GRAMD1C: variants seen among roughly 807,000 people sequenced by gnomAD.
The protein encoded by GRAMD1C is protein Aster-C.
Under a neutral mutation model 97.8 loss-of-function variants are expected in GRAMD1C, and 89 were observed. The ratio of observed to expected loss-of-function variants is 0.91; its 90% CI spans 0.77 to 1.09. The LOEUF (loss-of-function observed/expected upper bound fraction) is 1.09. Ranked by LOEUF, GRAMD1C falls within the 50% of genes least tolerant of loss-of-function variation. The pLI is 0.00. For missense variants in GRAMD1C, 740 were observed against 766.4 expected (o/e 0.97, Z 0.41); for synonymous variants, 256 against 267.0 (o/e 0.96, Z 0.40).
chr3:113,903,344 A>G (rs114536961), intron 7 of GRAMD1C, among the ~76,000 whole-genome samples: 46 of 152,116 alleles, frequency 3.0e-4, no homozygotes, highest in Middle Eastern at 3.4e-3. Flanking sequence ...CCTGTTCTTC[A>G]GTCTCTGAAA....
At chr3:113,859,420 G>C (rs1243096433) in intron 2 of GRAMD1C, among the ~76,000 whole-genome samples, 1 of 152,142 alleles carries the variant, frequency 6.6e-6, no homozygotes, top group Non-Finnish European at 1.5e-5. Flanking sequence ...TTGATTTCTA[G>C]TTTGATTTCA....
chr3:113,898,712 C>T (rs901440948), intron 6 of GRAMD1C, among the ~76,000 whole-genome samples: 2 of 151,968 alleles, frequency 1.3e-5, no homozygotes, highest in African/African-American at 2.4e-5. Flanking sequence ...ATTTATTAGC[C>T]TGTGTTATCC....
chr3:113,870,702 C>T (rs1252414720), intron 3 of GRAMD1C, among the ~76,000 whole-genome samples: 1 of 151,912 alleles, frequency 6.6e-6, no homozygotes, highest in Admixed American at 6.6e-5. Context: ...TCCATAAACA[C>T]AACCATTCAG....
At chr3:113,885,298 A>G (rs1489111802) in intron 6 of GRAMD1C, 6 of 1,530,562 alleles carry the variant, frequency 3.9e-6, no homozygotes, top group Non-Finnish European at 5.4e-6. Flanking sequence ...GGTCATCCGG[A>G]TGGTGCGGAC....
chr3:113,908,704 C>G (rs1936454080), intron 8 of GRAMD1C, among the ~76,000 whole-genome samples: 1 of 152,110 alleles, frequency 6.6e-6, no homozygotes, highest in African/African-American at 2.4e-5. Context: ...ATCTGTGAAG[C>G]TCTTTTATAT....
In GRAMD1C at chr3:113,946,894, G is replaced by GTTTGT. The variant is rs1268862571; in HGVS notation, c.*1426_*1430dup. ...TAGGGGTAACAGTGAACCTACCTGG[G>GTTTGT]TTTGTTTTGTTTTGGTAAGGATTTA... On this transcript the variant is annotated 3_prime_UTR_variant, in exon 18 of 18. Transcript: ENST00000358160. 6.6e-6 allele frequency: 1 copy of GTTTGT among 152,164 alleles called. No homozygotes were observed. The highest frequency in any genetic ancestry group is 2.4e-5 in the African/African-American group (1 of 41,434). 9.4% of individuals were successfully genotyped at this position (152,164 alleles called of 1,614,324 possible).
In GRAMD1C at chr3:113,869,562, A is replaced by G. The variant is rs993558779; in HGVS notation, c.230A>G (p.His77Arg). 1 of 1,543,066 alleles carries G rather than the reference A, an allele frequency of 6.5e-7. No homozygotes were observed. The highest frequency in any genetic ancestry group is 1.4e-5 in the African/African-American group (1 of 72,964). The change falls in exon 3 of 18, where the codon CAT (histidine) becomes CGT (arginine). Residue 77 changes from histidine to arginine, a missense_variant. His to Arg is a conservative substitution (Grantham distance 29). Transcript: ENST00000358160. ...RNEEYRRQFT[H>R]LPDTERLIAD... ...GAGGAATACAGAAGACAGTTCACAC[A>G]TCTACCTGATACAGAGAGGCTGATA... is the stretch of plus-strand genomic sequence containing the variant.
chr3:113,921,109 TGCG>T (rs1937032605), intron 10 of GRAMD1C, among the ~76,000 whole-genome samples: 1 of 152,168 alleles, frequency 6.6e-6, no homozygotes, highest in Non-Finnish European at 1.5e-5. Context: ...TTCCCTTCTT[TGCG>T]GCCATGTGTA....
intron 2 of GRAMD1C, among the ~76,000 whole-genome samples, chr3:113,854,033 G>A (rs574272493): frequency 6.6e-6 from 1 of 152,266 alleles, no homozygotes; most frequent in South Asian, 2.1e-4. Context: ...AAAGATCAGG[G>A]ATAATTATTC....
Position 113,871,009 on chromosome 3 carries a change from A to ATG in GRAMD1C, c.259+1418_259+1419insTG, listed in dbSNP as rs1934784949. On this transcript the variant is annotated intron_variant, in intron 3 of 17. Coordinates refer to ENST00000358160, the MANE Select transcript of GRAMD1C (RefSeq NM_017577.5). ...CACACACACACACACACACACACAC[A>ATG]CACACACACACACAGAGGAATATTA... is the stretch of plus-strand genomic sequence containing the variant. 7.1e-5 allele frequency among the ~76,000 whole-genome samples: 8 copies of ATG among 112,208 alleles called. No individual in the cohort carries two copies. The South Asian group carries it at 9.5e-4, about 13-fold the overall frequency. The allele number at this position is 112,208 out of a possible 152,430, so 73.6% of individuals were successfully genotyped here.
rs575888945 is a variant in GRAMD1C, at chr3:113,946,008, A to G, written c.*530A>G. The G allele has an allele frequency of 6.6e-6, 1 of 152,276 alleles. No homozygotes were observed. The highest frequency in any genetic ancestry group is 2.4e-5 in the African/African-American group (1 of 41,452). 9.4% of individuals were successfully genotyped at this position (152,276 alleles called of 1,614,324 possible). ...AATGTCTTCATTTATTTAGCATGCA[A>G]ATTTAATAGTCAAACTTTTTGAATC... On this transcript the variant is annotated 3_prime_UTR_variant, in exon 18 of 18. Transcript: ENST00000358160.
chr3:113,883,768 C>A (rs999031481), intron 6 of GRAMD1C, among the ~76,000 whole-genome samples: 30 of 152,128 alleles, frequency 2.0e-4, no homozygotes, highest in Admixed American at 7.2e-4. Context: ...TCATAACAAT[C>A]ATAAACATAT....
At chr3:113,834,417 G>T (rs143818532), upstream of GRAMD1C, among the ~76,000 whole-genome samples, 68 of 152,046 alleles carry the variant, frequency 4.5e-4, 1 homozygote, top group East Asian at 0.012. Flanking sequence ...GACCTCAAAG[G>T]ATCCACCTGC....
intron 9 of GRAMD1C, among the ~76,000 whole-genome samples, chr3:113,915,171 G>A (rs1030597606): frequency 2.0e-5 from 3 of 152,146 alleles, no homozygotes; most frequent in Non-Finnish European, 4.4e-5. Context: ...TTGAAAATAG[G>A]TTGTGATTAC....
In GRAMD1C at chr3:113,934,479, A is replaced by G. The variant is rs981314957; in HGVS notation, c.1400A>G (p.Lys467Arg). Residue 467 changes from lysine to arginine, a missense_variant, in exon 13 of 18, where the codon AAA (lysine) becomes AGA (arginine). Coordinates refer to ENST00000358160, the MANE Select transcript of GRAMD1C (RefSeq NM_017577.5). ...KYRKQPWGLVKSLIEKNSWSS... is the reference protein window; with the variant it reads ...KYRKQPWGLVRSLIEKNSWSS... ...AGAAAACAGCCATGGGGCCTTGTCAAATCTTTAATTGAAAAGAATTCCTGG... is the reference window on the plus strand; with the variant it reads ...AGAAAACAGCCATGGGGCCTTGTCAGATCTTTAATTGAAAAGAATTCCTGG... The G allele has an allele frequency of 6.3e-6, 10 of 1,592,116 alleles. No individual in the cohort carries two copies. The African/African-American group carries it at 1.2e-4, about 19-fold the overall frequency.
intron 1 of GRAMD1C, among the ~76,000 whole-genome samples, chr3:113,844,074 T>C (rs1933499283): frequency 6.6e-6 from 1 of 152,234 alleles, no homozygotes; most frequent in Non-Finnish European, 1.5e-5. Flanking sequence ...TTTGCATCCC[T>C]AGTGCCAACC....
At chr3:113,881,774 T>C (rs1577158823) in intron 5 of GRAMD1C, among the ~76,000 whole-genome samples, 1 of 152,320 alleles carries the variant, frequency 6.6e-6, no homozygotes, top group Non-Finnish European at 1.5e-5. Flanking sequence ...ACAGCATGTA[T>C]TGATTGTTAG....
chr3:113,915,680 T>G, intron 9 of GRAMD1C, 21 bp from the exon 10 acceptor site: 8 of 1,595,182 alleles, frequency 5.0e-6, no homozygotes, highest in Non-Finnish European at 6.9e-6. Flanking sequence ...TCTCTTTTGG[T>G]TTGTGTTTCT....
intron 6 of GRAMD1C, among the ~76,000 whole-genome samples, chr3:113,895,314 A>G (rs147161716): frequency 3.9e-5 from 6 of 152,324 alleles, no homozygotes; most frequent in African/African-American, 1.4e-4. Context: ...ACCGTGCATT[A>G]GTGTATTTCC....
Sources: gnomAD v4.1 joint callset for allele counts (sites outside exome capture counted in the v4.1 genomes callset) on GRCh38, gnomAD v4.1.1 for gene constraint, MANE v1.5 for transcripts, NCBI Gene and HGNC (gene_info 2026-07-23, HGNC 2026-07-21) for gene names.